FRMD3: variants seen among roughly 807,000 people sequenced by gnomAD.
The protein encoded by FRMD3 is FERM domain-containing protein 3.
FRMD3 carries 33 observed loss-of-function variants against 70.2 expected under a neutral mutation model. The observed-to-expected ratio is 0.47, with a 90% confidence interval of 0.36 to 0.63. The LOEUF (loss-of-function observed/expected upper bound fraction) is 0.63, where lower values mean the gene tolerates loss of function less well. Ranked by LOEUF, FRMD3 falls within the 20% of genes least tolerant of loss-of-function variation. FRMD3 has a pLI of 0.00. For synonymous variants in FRMD3, 279 were observed against 255.9 expected, an observed-to-expected ratio of 1.09 and a Z score of -0.86; for missense variants, 632 against 711.4, an observed-to-expected ratio of 0.89 and a Z score of 1.27.
chr9:83,457,023 A>C (rs1827838509), intron 1 of FRMD3, among the ~76,000 whole-genome samples: 1 of 152,162 alleles, frequency 6.6e-6, no homozygotes, highest in Admixed American at 6.6e-5. Context: ...AGATATAATA[A>C]GCTTAAAGAA....
chr9:83,561,118 CT>C, the FRMD3 span, among the ~76,000 whole-genome samples: 2 of 152,200 alleles, frequency 1.3e-5, no homozygotes, highest in Non-Finnish European at 2.9e-5. Context: ...ATGACTCCCC[CT>C]GCCCAGTGAT....
chr9:83,541,629 G>T (rs904800179), upstream of FRMD3, among the ~76,000 whole-genome samples: 4 of 152,188 alleles, frequency 2.6e-5, no homozygotes, highest in African/African-American at 9.7e-5. Flanking sequence ...GCAGTCAAAA[G>T]GAGCTCCCTG....
In FRMD3 at chr9:83,407,837, G is replaced by GTCTCTCTCTCTCTCTCTCTCTC. The variant is rs761983764; in HGVS notation, c.148-18151_148-18130dup. Among the ~76,000 whole-genome samples, 180 of 103,636 alleles carry GTCTCTCTCTCTCTCTCTCTCTC rather than the reference G, an allele frequency of 1.7e-3. 4 individuals are homozygous for GTCTCTCTCTCTCTCTCTCTCTC. Among genetic ancestry groups the GTCTCTCTCTCTCTCTCTCTCTC allele is most frequent in the Middle Eastern group, 5.3e-3 (1 of 188 alleles). 68.0% of individuals were successfully genotyped at this position (103,636 alleles called of 152,430 possible). The stretch of plus-strand genomic sequence containing the variant: ...GCCAGCAGAGGAGGGGGGTTGTTGA[G>GTCTCTCTCTCTCTCTCTCTCTC]TCTCTCTCTCTCTCTCTCTCTCTCT... On this transcript the variant is annotated intron_variant, in intron 1 of 13. Transcript: ENST00000304195.
chr9:83,243,483 T>C (rs1458510518), downstream of FRMD3, among the ~76,000 whole-genome samples: 1 of 152,146 alleles, frequency 6.6e-6, no homozygotes, highest in Non-Finnish European at 1.5e-5. Flanking sequence ...AAGCAAGAGT[T>C]TCCTCCAGGC....
At chr9:83,282,437 G>C (rs2118914377) in intron 13 of FRMD3, among the ~76,000 whole-genome samples, 1 of 152,220 alleles carries the variant, frequency 6.6e-6, no homozygotes, top group East Asian at 1.9e-4. Flanking sequence ...CCTTGTGCAA[G>C]ACCTTCCTCA....
chr9:83,393,995 A>C (rs1284367992), intron 1 of FRMD3, among the ~76,000 whole-genome samples: 1 of 151,750 alleles, frequency 6.6e-6, no homozygotes, highest in Non-Finnish European at 1.5e-5. Context: ...AGGAATAAAA[A>C]TCTAGTACTT....
At chr9:83,504,761 A>G (rs905827001) in intron 1 of FRMD3, among the ~76,000 whole-genome samples, 1 of 152,136 alleles carries the variant, frequency 6.6e-6, no homozygotes, top group Non-Finnish European at 1.5e-5. Flanking sequence ...ATCACCTGTG[A>G]TAATTTTTAT....
intron 6 of FRMD3, among the ~76,000 whole-genome samples, chr9:83,323,302 G>A (rs1835876536): frequency 6.6e-6 from 1 of 152,160 alleles, no homozygotes; most frequent in African/African-American, 2.4e-5. Context: ...GAATGAATAG[G>A]CAATGGAATA....
At chr9:83,506,596 G>C (rs970328309) in intron 1 of FRMD3, among the ~76,000 whole-genome samples, 4 of 152,194 alleles carry the variant, frequency 2.6e-5, no homozygotes, top group Non-Finnish European at 5.9e-5. Flanking sequence ...TGCAGGACTG[G>C]AAGTTGCTCT....
intron 1 of FRMD3, among the ~76,000 whole-genome samples, chr9:83,406,623 TTTCAACCCA>T (rs1826112134): frequency 1.3e-5 from 2 of 152,328 alleles, no homozygotes; most frequent in Admixed American, 1.3e-4. Context: ...AGAACGTAAC[TTTCAACCCA>T]CGAGTGCTGC....
intron 1 of FRMD3, among the ~76,000 whole-genome samples, chr9:83,460,532 G>A (rs539623987): frequency 2.0e-4 from 31 of 152,254 alleles, no homozygotes; most frequent in African/African-American, 6.3e-4. Flanking sequence ...AGGGCCAAGC[G>A]GAGCAAGATC....
At chr9:83,464,163 T>C (rs1288406461) in intron 1 of FRMD3, among the ~76,000 whole-genome samples, 1 of 152,214 alleles carries the variant, frequency 6.6e-6, no homozygotes, top group Admixed American at 6.5e-5. Flanking sequence ...TATTGGAGCA[T>C]TCCCATTGTT....
At chr9:83,319,845 C>T (rs1337609440) in intron 6 of FRMD3, among the ~76,000 whole-genome samples, 2 of 152,208 alleles carry the variant, frequency 1.3e-5, no homozygotes, top group South Asian at 2.1e-4. Flanking sequence ...CTCCTCCTTG[C>T]CTTCCACCAT....
At chr9:83,406,193 C>T (rs552663166) in intron 1 of FRMD3, among the ~76,000 whole-genome samples, 1 of 152,260 alleles carries the variant, frequency 6.6e-6, no homozygotes, top group African/African-American at 2.4e-5. Flanking sequence ...TGCCTCCAGT[C>T]ACTAACACCA....
intron 10 of FRMD3, 56 bp downstream of exon 10, chr9:83,309,480 A>G: frequency 9.5e-7 from 1 of 1,048,210 alleles, no homozygotes; most frequent in Non-Finnish European, 1.4e-6. Context: ...TGCAAAACAT[A>G]AAGAATTCCA....
At chr9:83,429,230 G>T (rs1826900405) in intron 1 of FRMD3, among the ~76,000 whole-genome samples, 1 of 152,122 alleles carries the variant, frequency 6.6e-6, no homozygotes, top group Non-Finnish European at 1.5e-5. Context: ...CGTCACATCT[G>T]AAGCTCTCCT....
At chr9:83,498,906 G>T (rs1564105483) in intron 1 of FRMD3, among the ~76,000 whole-genome samples, 1 of 152,106 alleles carries the variant, frequency 6.6e-6, no homozygotes, top group African/African-American at 2.4e-5. Flanking sequence ...ACTAGATAAA[G>T]AAAGGCTTTA....
chr9:83,352,013 G>A (rs1054324477), intron 3 of FRMD3, among the ~76,000 whole-genome samples: 1 of 152,050 alleles, frequency 6.6e-6, no homozygotes, highest in East Asian at 1.9e-4. Flanking sequence ...CATCCCTCCA[G>A]GACAGTAGAT....
At chr9:83,452,442 A>G (rs1378105984) in intron 1 of FRMD3, among the ~76,000 whole-genome samples, 2 of 150,950 alleles carry the variant, frequency 1.3e-5, no homozygotes, top group East Asian at 3.9e-4. Flanking sequence ...TAATTAAATT[A>G]CTCATCCCCG....
Sources: allele counts gnomAD v4.1 joint callset (sites outside exome capture counted in the v4.1 genomes callset), GRCh38; gene constraint gnomAD v4.1.1; transcripts MANE v1.5; gene names NCBI Gene and HGNC (gene_info 2026-07-23, HGNC 2026-07-21).